Variants in AGBL1 observed in about 807,000 individuals in gnomAD.
AGBL1 encodes the protein cytosolic carboxypeptidase 4.
AGBL1 carries 130 observed loss-of-function variants against 118.9 expected under a neutral mutation model. The observed-to-expected ratio is 1.09, with a 90% CI of 0.95 to 1.26. The LOEUF (loss-of-function observed/expected upper bound fraction) is 1.26. AGBL1 is among the 50% of genes most tolerant of loss of function. AGBL1 has a pLI of 0.00. For missense variants in AGBL1, 1,584 were observed against 1,298.1 expected (o/e 1.22, Z -3.38); for synonymous variants, 555 against 478.9 (o/e 1.16, Z -2.08).
chr15:86,320,719 G>A (rs1419827962), intron 17 of AGBL1, among the ~76,000 whole-genome samples: 1 of 142,430 alleles, frequency 7.0e-6, no homozygotes, highest in Non-Finnish European at 1.5e-5. Context: ...AGGTGTGTGT[G>A]TGCGTGTGTG....
intron 18 of AGBL1, among the ~76,000 whole-genome samples, chr15:86,469,385 G>C (rs957414060): frequency 1.2e-4 from 18 of 152,108 alleles, no homozygotes; most frequent in African/African-American, 4.3e-4. Flanking sequence ...ATATCCTCTA[G>C]GTTCATCCTG....
chr15:86,836,073 C>A (rs897452825), intron 22 of AGBL1, among the ~76,000 whole-genome samples: 1 of 152,168 alleles, frequency 6.6e-6, no homozygotes, highest in South Asian at 2.1e-4. Flanking sequence ...AGAAAGAAAA[C>A]CTCTCCTACC....
intron 24 of AGBL1, among the ~76,000 whole-genome samples, chr15:87,010,086 G>A (rs1200632433): frequency 6.6e-6 from 1 of 152,078 alleles, no homozygotes; most frequent in Non-Finnish European, 1.5e-5. Flanking sequence ...TTTGGGAGGG[G>A]CCAGGGGTGG....
In AGBL1 at chr15:86,961,805, G is replaced by A. The variant is rs187649053; in HGVS notation, c.3222-26182G>A. ...CACATTCAGGTGCATCTGCCATACA[G>A]GGCCATTCTTAGGGTATGCCTAAGA... On this transcript the variant is annotated intron_variant, in intron 23 of 24. Coordinates refer to the AGBL1 transcript ENST00000441037. 7.2e-5 allele frequency among the ~76,000 whole-genome samples: 11 copies of A among 152,134 alleles called. No individual in the cohort carries two copies. The East Asian group carries it at 2.1e-3, about 30-fold the overall frequency.
At chr15:86,422,612 A>G (rs1463696855) in intron 18 of AGBL1, among the ~76,000 whole-genome samples, 1 of 152,194 alleles carries the variant, frequency 6.6e-6, no homozygotes, top group Admixed American at 6.5e-5. Flanking sequence ...GGAAGGAGAT[A>G]GAGACATGAA....
intron 7 of AGBL1, among the ~76,000 whole-genome samples, chr15:86,254,361 A>G (rs972636038): frequency 6.6e-6 from 1 of 152,250 alleles, no homozygotes; most frequent in African/African-American, 2.4e-5. Context: ...AGAGAAGTGT[A>G]TTAATTTGCC....
chr15:86,827,386 CAT>C lies in AGBL1; in HGVS notation c.3159-79691_3159-79690del, dbSNP rs1304280056. Among the ~76,000 whole-genome samples the C allele has an allele frequency of 8.7e-4, 5 of 5,752 alleles. 2 individuals are homozygous for C. The highest frequency in any genetic ancestry group is 1.1e-3 in the Non-Finnish European group (4 of 3,648). The allele number at this position is 5,752 out of a possible 152,430, so 3.8% of individuals were successfully genotyped here. On this transcript the variant is annotated intron_variant, in intron 22 of 22. Transcript: ENST00000614907. Reference sequence around the variant, plus strand: ...ATGTGTGTGTATATATATATATACACATATATATATACATATATATATGTGTA... The same window carrying C: ...ATGTGTGTGTATATATATATATACACATATATATACATATATATATGTGTA...
chr15:86,803,510 C>A (rs2078677966), intron 22 of AGBL1, among the ~76,000 whole-genome samples: 1 of 152,110 alleles, frequency 6.6e-6, no homozygotes, highest in Admixed American at 6.6e-5. Context: ...ATATGTATAT[C>A]AATTAGTATT....
At chr15:86,852,331 A>G (rs919578515) in intron 22 of AGBL1, among the ~76,000 whole-genome samples, 1 of 152,156 alleles carries the variant, frequency 6.6e-6, no homozygotes, top group African/African-American at 2.4e-5. Context: ...CCCACGATCC[A>G]AACACCTCCC....
At chr15:86,834,726 G>T (rs2079149034) in intron 22 of AGBL1, among the ~76,000 whole-genome samples, 1 of 152,094 alleles carries the variant, frequency 6.6e-6, no homozygotes, top group African/African-American at 2.4e-5. Context: ...CACTTCACAT[G>T]GATACAACCC....
At chr15:86,948,099 A>AAAT (rs1216951991) in intron 23 of AGBL1, among the ~76,000 whole-genome samples, 1 of 152,160 alleles carries the variant, frequency 6.6e-6, no homozygotes. Flanking sequence ...ACAGAAGCAA[A>AAAT]AATAGAACCA....
chr15:86,855,417 G>A (rs1037481989), intron 22 of AGBL1, among the ~76,000 whole-genome samples: 2 of 152,164 alleles, frequency 1.3e-5, no homozygotes, highest in African/African-American at 4.8e-5. Context: ...AATGATATGT[G>A]TGGGTCTTCC....
intron 22 of AGBL1, among the ~76,000 whole-genome samples, chr15:86,867,700 A>G (rs928104738): frequency 2.0e-5 from 3 of 152,184 alleles, no homozygotes; most frequent in African/African-American, 7.2e-5. Flanking sequence ...TTTATTGTTC[A>G]TGGCACTGTG....
intron 17 of AGBL1, among the ~76,000 whole-genome samples, chr15:86,341,696 T>G (rs2080463709): frequency 6.6e-6 from 1 of 152,122 alleles, no homozygotes; most frequent in Non-Finnish European, 1.5e-5. Context: ...TCCTGTTAGA[T>G]TAGAAATGTA....
chr15:86,665,932 C>T (rs1192142427), intron 21 of AGBL1, among the ~76,000 whole-genome samples: 1 of 152,132 alleles, frequency 6.6e-6, no homozygotes. Flanking sequence ...TTCCTTTGAT[C>T]TGCCTGCCAT....
At chr15:86,287,609 C>T (rs1174528866) in intron 16 of AGBL1, among the ~76,000 whole-genome samples, 2 of 152,116 alleles carry the variant, frequency 1.3e-5, no homozygotes, top group Non-Finnish European at 2.9e-5. Flanking sequence ...GTCCTTTCCC[C>T]ATTGCATGTT....
At chr15:86,790,439 A>C (rs1440631819) in intron 22 of AGBL1, among the ~76,000 whole-genome samples, 4 of 152,002 alleles carry the variant, frequency 2.6e-5, no homozygotes, top group Non-Finnish European at 5.9e-5. Flanking sequence ...CCCCACTCTC[A>C]CACACCTCTA....
intron 17 of AGBL1, chr15:86,297,140 G>A (rs2141782566): frequency 6.6e-6 from 1 of 152,170 alleles, no homozygotes; most frequent in Admixed American, 6.6e-5. Context: ...AATCAAAAGA[G>A]GCTGGTTTCT....
intron 22 of AGBL1, among the ~76,000 whole-genome samples, chr15:86,711,428 A>G (rs1026576936): frequency 2.0e-5 from 3 of 152,216 alleles, no homozygotes; most frequent in Non-Finnish European, 2.9e-5. Context: ...AATTCTCTGC[A>G]TCGTGCCAGC....
Sources: gnomAD v4.1 joint callset for allele counts (sites outside exome capture counted in the v4.1 genomes callset) on GRCh38, gnomAD v4.1.1 for gene constraint, MANE v1.5 for transcripts, NCBI Gene and HGNC (gene_info 2026-07-23, HGNC 2026-07-21) for gene names.